The following MED13L variants were observed in gnomAD, a reference collection of about 807,000 sequenced individuals.
MED13L encodes mediator of RNA polymerase II transcription subunit 13-like.
Under a neutral mutation model 220.9 loss-of-function variants are expected in MED13L, and 7 were observed. The ratio of observed to expected loss-of-function variants is 0.03; its 90% CI spans 0.02 to 0.06. The LOEUF (loss-of-function observed/expected upper bound fraction) is 0.06. MED13L is among the 10% of genes least tolerant of loss of function. The pLI, the probability that MED13L is intolerant of heterozygous loss-of-function variation, is 1.00. For missense variants in MED13L, 1,965 were observed against 2,760.5 expected, an observed-to-expected ratio of 0.71 and a Z score of 6.46; for synonymous variants, 1,011 against 1,015.2, an observed-to-expected ratio of 1.00 and a Z score of 0.08.
chr12:115,988,733 C>G (rs1489927833), intron 17 of MED13L, among the ~76,000 whole-genome samples: 1 of 152,162 alleles, frequency 6.6e-6, no homozygotes, highest in Non-Finnish European at 1.5e-5. Flanking sequence ...TACTTTTAGG[C>G]ATCTTAAAAT....
chr12:115,961,697 A>G, intron 30 of MED13L: 1 of 419,590 alleles, frequency 2.4e-6, no homozygotes, highest in Non-Finnish European at 4.5e-6. Flanking sequence ...GGCCAGGTGC[A>G]GTGGCTCACG....
intron 4 of MED13L, among the ~76,000 whole-genome samples, chr12:116,028,250 T>A (rs1592962616): frequency 6.6e-6 from 1 of 152,210 alleles, no homozygotes; most frequent in East Asian, 1.9e-4. Context: ...AATACAATTA[T>A]AGATATGTTA....
At chr12:116,113,852 G>A (rs1371999309) in intron 2 of MED13L, among the ~76,000 whole-genome samples, 1 of 85,658 alleles carries the variant, frequency 1.2e-5, no homozygotes, top group Non-Finnish European at 2.4e-5. Context: ...AAGAGAGAGA[G>A]GAGAGGGGGA....
intron 23 of MED13L, among the ~76,000 whole-genome samples, chr12:115,976,079 T>C (rs543724932): frequency 6.6e-6 from 1 of 151,828 alleles, no homozygotes; most frequent in East Asian, 1.9e-4. Context: ...ATGTCGAAAA[T>C]AAAAAAAGAG....
rs189875873 is a variant in MED13L at position 116,229,310 on chromosome 12, A to G, written c.310+8158T>C. On this transcript the variant is annotated intron_variant, in intron 2 of 30. Transcript: ENST00000281928. ...ACAATTTTCAACACTATTTGTTCCAATGGTGACTCTAACATCTCATTTAAG... is the reference window on the plus strand; with the variant it reads ...ACAATTTTCAACACTATTTGTTCCAGTGGTGACTCTAACATCTCATTTAAG... 5.5e-3 allele frequency among the ~76,000 whole-genome samples: 845 copies of G among 152,326 alleles called. 1 individual carries two copies. Among genetic ancestry groups the G allele is most frequent in the Non-Finnish European group, 9.0e-3 (610 of 68,040 alleles).
chr12:116,176,954 C>A (rs1478234438), intron 2 of MED13L, among the ~76,000 whole-genome samples: 1 of 147,018 alleles, frequency 6.8e-6, no homozygotes, highest in Non-Finnish European at 1.5e-5. Flanking sequence ...ATTCCATATA[C>A]ACTCCCTCAT....
intron 4 of MED13L, among the ~76,000 whole-genome samples, chr12:116,084,018 C>G (rs1871419108): frequency 6.6e-6 from 1 of 152,176 alleles, no homozygotes; most frequent in Non-Finnish European, 1.5e-5. Flanking sequence ...AGTCAAAGCA[C>G]AAATACAGAA....
intron 2 of MED13L, among the ~76,000 whole-genome samples, chr12:116,186,600 C>T (rs187928452): frequency 3.3e-5 from 5 of 152,154 alleles, no homozygotes; most frequent in Admixed American, 2.0e-4. Flanking sequence ...GAAATTAAAC[C>T]CCAACTGGTT....
At chr12:116,256,441 GA>G (rs1463133201) in intron 1 of MED13L, among the ~76,000 whole-genome samples, 2 of 152,110 alleles carry the variant, frequency 1.3e-5, no homozygotes, top group African/African-American at 2.4e-5. Flanking sequence ...GAGGAAGGCT[GA>G]GGGGCAAGGG....
intron 4 of MED13L, among the ~76,000 whole-genome samples, chr12:116,023,294 C>A (rs1057136338): frequency 6.6e-6 from 1 of 152,060 alleles, no homozygotes. Flanking sequence ...AGACCCCTGT[C>A]TCAAAAAAAG....
intron 4 of MED13L, among the ~76,000 whole-genome samples, chr12:116,072,537 C>T (rs1482464645): frequency 4.6e-5 from 7 of 152,142 alleles, no homozygotes; most frequent in South Asian, 2.1e-4. Flanking sequence ...CTGCAAGCTC[C>T]GCCTCCCGGG....
intron 29 of MED13L, among the ~76,000 whole-genome samples, chr12:115,964,962 G>A (rs1415389059): frequency 6.6e-6 from 1 of 152,054 alleles, no homozygotes; most frequent in Non-Finnish European, 1.5e-5. Context: ...TTTTAGAGAG[G>A]AAAAATAAAT....
chr12:116,112,140 A>T (rs918309086), intron 2 of MED13L, among the ~76,000 whole-genome samples: 2 of 152,178 alleles, frequency 1.3e-5, no homozygotes, highest in Admixed American at 6.5e-5. Context: ...AGCCACAAGT[A>T]ACTCCAACAC....
chr12:116,170,986 T>G (rs900215137), intron 2 of MED13L, among the ~76,000 whole-genome samples: 1 of 152,244 alleles, frequency 6.6e-6, no homozygotes, highest in Admixed American at 6.5e-5. Context: ...AGTTGTTTGC[T>G]GTTACTGCCT....
chr12:116,211,214 G>C (rs1016490211), intron 2 of MED13L, among the ~76,000 whole-genome samples: 1 of 152,132 alleles, frequency 6.6e-6, no homozygotes, highest in African/African-American at 2.4e-5. Context: ...CTGAAACCTA[G>C]ACCAGCACTG....
intron 2 of MED13L, among the ~76,000 whole-genome samples, chr12:116,199,631 T>C (rs544771139): frequency 1.3e-5 from 2 of 152,224 alleles, no homozygotes; most frequent in East Asian, 3.9e-4. Flanking sequence ...AGAAAAACAG[T>C]TCCCATTTGG....
chr12:116,273,176 T>A (rs1308848056), intron 1 of MED13L, among the ~76,000 whole-genome samples: 1 of 152,076 alleles, frequency 6.6e-6, no homozygotes, highest in South Asian at 2.1e-4. Flanking sequence ...TGGTGGCACA[T>A]GCCTGTAATC....
intron 2 of MED13L, among the ~76,000 whole-genome samples, chr12:116,114,069 T>C (rs1247918496): frequency 6.6e-6 from 1 of 152,158 alleles, no homozygotes; most frequent in Admixed American, 6.5e-5. Flanking sequence ...CTGCCAATTC[T>C]CTCTTAAGTC....
intron 4 of MED13L, among the ~76,000 whole-genome samples, chr12:116,057,697 T>A (rs1156995442): frequency 6.6e-6 from 1 of 151,876 alleles, no homozygotes; most frequent in Admixed American, 6.6e-5. Flanking sequence ...AAAGTCTATT[T>A]CCATACCATT....
Sources: gnomAD v4.1 joint callset for allele counts (sites outside exome capture counted in the v4.1 genomes callset) on GRCh38, gnomAD v4.1.1 for gene constraint, MANE v1.5 for transcripts, NCBI Gene and HGNC (gene_info 2026-07-23, HGNC 2026-07-21) for gene names.